The following FUT8 variants were observed in gnomAD, a reference collection of about 807,000 sequenced individuals.
The protein encoded by FUT8 is alpha-(1,6)-fucosyltransferase.
Under a neutral mutation model 71.3 loss-of-function variants are expected in FUT8, and 29 were observed. The observed-to-expected ratio is 0.41, with a 90% CI of 0.30 to 0.55. FUT8 has a LOEUF of 0.55. Ranked by LOEUF, FUT8 falls within the 20% of genes least tolerant of loss-of-function variation. The probability of loss-of-function intolerance (pLI) is 0.34; values close to 1 mark genes in which losing one functional copy is unlikely to be tolerated. For synonymous variants in FUT8, 254 were observed against 239.3 expected, an observed-to-expected ratio of 1.06 and a Z score of -0.57; for missense variants, 544 against 702.1, an observed-to-expected ratio of 0.77 and a Z score of 2.55.
chr14:65,724,382 TC>T (rs1462885794), intron 9 of FUT8, 59 bp downstream of exon 9: 2 of 1,062,208 alleles, frequency 1.9e-6, no homozygotes, highest in Non-Finnish European at 2.7e-6. Flanking sequence ...TTAAAAGAAT[TC>T]TTACTTCCCA....
In FUT8 at chr14:65,743,026, A is replaced by G. The variant is rs925907672; in HGVS notation, c.*616A>G. On this transcript the variant is annotated 3_prime_UTR_variant, in exon 11 of 11. Transcript: ENST00000673929. ...TAATAAGTGAAGAATACATCAGAAA[A>G]TAAAATATTCACTCTCCATTAGAAA... is the stretch of plus-strand genomic sequence containing the variant. The G allele has an allele frequency of 5.9e-5, 9 of 152,138 alleles. No individual in the cohort carries two copies. The highest frequency in any genetic ancestry group is 2.2e-4 in the African/African-American group (9 of 41,356). The allele number at this position is 152,138 out of a possible 1,614,324, so 9.4% of individuals were successfully genotyped here. A position where few individuals can be genotyped will look rare whatever the true frequency, so the allele number is the denominator to read the frequency against.
chr14:65,375,257 TGGCAAATATTGTA>T, the FUT8 span, among the ~76,000 whole-genome samples: 29 of 152,158 alleles, frequency 1.9e-4, no homozygotes, highest in African/African-American at 6.8e-4. Context: ...TTGCCACACG[TGGCAAATATTGTA>T]GGCAATGAAA....
chr14:65,446,965 G>A (rs1393209967), intron 1 of FUT8, among the ~76,000 whole-genome samples: 3 of 151,840 alleles, frequency 2.0e-5, no homozygotes, highest in Admixed American at 6.6e-5. Flanking sequence ...CACCACACCC[G>A]ACTCTGCTAT....
At chr14:65,458,778 T>C (rs1369256804) in intron 2 of FUT8, among the ~76,000 whole-genome samples, 1 of 151,452 alleles carries the variant, frequency 6.6e-6, no homozygotes, top group Admixed American at 6.6e-5. Context: ...CTTTCCTTTC[T>C]TTTCTTTTCT....
intron 3 of FUT8, among the ~76,000 whole-genome samples, chr14:65,596,492 T>G (rs565183775): frequency 1.3e-5 from 2 of 152,344 alleles, no homozygotes; most frequent in South Asian, 4.1e-4. Flanking sequence ...ACTGTCTTCC[T>G]TTCTTACATG....
upstream of FUT8, chr14:65,410,745 T>G (rs1004274501): frequency 6.6e-6 from 1 of 152,094 alleles, no homozygotes; most frequent in Non-Finnish European, 1.5e-5. Flanking sequence ...CTATCATGAT[T>G]ATTAACCAAC....
chr14:65,396,951 T>C, the FUT8 span, among the ~76,000 whole-genome samples: 5 of 152,114 alleles, frequency 3.3e-5, no homozygotes, highest in African/African-American at 1.2e-4. The surrounding 1 kb of genome is among the most constrained non-coding windows in gnomAD (Gnocchi z 5.5). Flanking sequence ...ACTCAAATGA[T>C]CCTCCCACCT....
In FUT8 at chr14:65,576,993, A is replaced by G. The variant is rs572222610; in HGVS notation, c.203+15227A>G. On this transcript the variant is annotated intron_variant, in intron 3 of 10. Transcript: ENST00000673929. Reference sequence around the variant, plus strand: ...GCTGGGATTACAGGCATGAGCCACCACGCCTGGCCTATGCCCAGCTAATTA... The same window carrying G: ...GCTGGGATTACAGGCATGAGCCACCGCGCCTGGCCTATGCCCAGCTAATTA... Among the ~76,000 whole-genome samples the G allele has an allele frequency of 1.7e-4, 26 of 151,054 alleles. 1 individual carries two copies. In the East Asian group the frequency reaches 4.5e-3, roughly 26 times the overall value.
intron 3 of FUT8, among the ~76,000 whole-genome samples, chr14:65,597,613 ACT>A: frequency 7.9e-6 from 1 of 126,088 alleles, no homozygotes; most frequent in East Asian, 2.6e-4. Context: ...ATAGAGCGAG[ACT>A]CTGTCTAAAA....
intron 2 of FUT8, chr14:65,528,752 A>T (rs1172601267): frequency 6.6e-6 from 1 of 152,194 alleles, no homozygotes; most frequent in Non-Finnish European, 1.5e-5. Context: ...TCTGTATGAC[A>T]ATGAAGCCAT....
chr14:65,446,153 C>T (rs1472328091), intron 1 of FUT8, among the ~76,000 whole-genome samples: 1 of 152,188 alleles, frequency 6.6e-6, no homozygotes. Flanking sequence ...TTTTAATCTA[C>T]AGATCCCCCA....
chr14:65,552,498 A>G (rs1341799651), intron 2 of FUT8, among the ~76,000 whole-genome samples: 3 of 152,198 alleles, frequency 2.0e-5, no homozygotes, highest in African/African-American at 7.2e-5. Context: ...CATGCTGCAT[A>G]TTTAAAAAAT....
chr14:65,559,393 A>G (rs540161608), intron 2 of FUT8, among the ~76,000 whole-genome samples: 22 of 152,284 alleles, frequency 1.4e-4, no homozygotes, highest in Admixed American at 1.0e-3. Context: ...ATTAGGTGTT[A>G]TAAGTAATCT....
At chr14:65,700,886 T>C (rs1894263444) in intron 7 of FUT8, among the ~76,000 whole-genome samples, 1 of 152,234 alleles carries the variant, frequency 6.6e-6, no homozygotes, top group Non-Finnish European at 1.5e-5. Context: ...ATAAAATGAT[T>C]TGTCTTCTTT....
chr14:65,532,581 C>T (rs1884026839), intron 2 of FUT8, among the ~76,000 whole-genome samples: 1 of 152,078 alleles, frequency 6.6e-6, no homozygotes, highest in African/African-American at 2.4e-5. Context: ...TTCTGTCATT[C>T]TGTAGGTTGT....
chr14:65,640,615 C>T (rs1216495515), intron 6 of FUT8, among the ~76,000 whole-genome samples: 1 of 152,018 alleles, frequency 6.6e-6, no homozygotes, highest in Admixed American at 6.5e-5. Context: ...TTTGTGTTCT[C>T]TAACATAATA....
At chr14:65,704,326 A>C (rs1041934293) in intron 7 of FUT8, among the ~76,000 whole-genome samples, 8 of 139,720 alleles carry the variant, frequency 5.7e-5, no homozygotes, top group Non-Finnish European at 1.3e-4. Context: ...GGGGAACTTA[A>C]GAGTGGAATT....
intron 5 of FUT8, among the ~76,000 whole-genome samples, chr14:65,625,115 C>T (rs1889828172): frequency 1.3e-5 from 2 of 149,702 alleles, no homozygotes; most frequent in East Asian, 2.0e-4. Flanking sequence ...TTGAGACTTG[C>T]AACAAGTTTT....
intron 1 of FUT8, among the ~76,000 whole-genome samples, chr14:65,442,547 A>ATACG (rs2065677611): frequency 6.7e-6 from 1 of 149,608 alleles, no homozygotes; most frequent in South Asian, 2.2e-4. Flanking sequence ...ACATACATAC[A>ATACG]GTATAGGCCC....
Sources: gnomAD v4.1 joint callset for allele counts (sites outside exome capture counted in the v4.1 genomes callset) on GRCh38, gnomAD v4.1.1 for gene constraint, Gnocchi (gnomAD v3.1) non-coding constraint, MANE v1.5 for transcripts, NCBI Gene and HGNC (gene_info 2026-07-23, HGNC 2026-07-21) for gene names.